The following SPIRE1 variants were observed in gnomAD, a reference collection of about 807,000 sequenced individuals.
The protein encoded by SPIRE1 is spire type actin nucleation factor 1, also known as protein spire homolog 1.
In SPIRE1, 40 loss-of-function variants were observed where a neutral mutation model predicts 94.1. The observed-to-expected ratio is 0.43, with a 90% CI of 0.33 to 0.55. The LOEUF (loss-of-function observed/expected upper bound fraction) is 0.55, where lower values mean the gene tolerates loss of function less well. Ranked by LOEUF, SPIRE1 falls within the 20% of genes least tolerant of loss-of-function variation. SPIRE1 has a pLI of 0.06. For synonymous variants in SPIRE1, 376 were observed against 371.7 expected (o/e 1.01, Z -0.13); for missense variants, 838 against 975.2 (o/e 0.86, Z 1.87).
intron 3 of SPIRE1, among the ~76,000 whole-genome samples, chr18:12,538,014 T>C (rs190088527): frequency 2.6e-5 from 4 of 152,230 alleles, no homozygotes; most frequent in South Asian, 2.1e-4. Context: ...AAAATTCATA[T>C]GGAATTGCAA....
At chr18:12,465,088 A>C (rs1347358563) in intron 10 of SPIRE1, 130 bp from the exon 11 acceptor site, 32 of 747,696 alleles carry the variant, frequency 4.3e-5, no homozygotes, top group South Asian at 3.9e-4. Context: ...CAAGGCAAGC[A>C]AAAGACAAAC....
At chr18:12,491,446 A>G (rs2033229663) in intron 8 of SPIRE1, among the ~76,000 whole-genome samples, 1 of 152,094 alleles carries the variant, frequency 6.6e-6, no homozygotes, top group South Asian at 2.1e-4. Flanking sequence ...ACAACAGTGG[A>G]ACAGAACAAA....
intron 1 of SPIRE1, among the ~76,000 whole-genome samples, chr18:12,648,730 A>C (rs2038292753): frequency 6.6e-6 from 1 of 151,956 alleles, no homozygotes; most frequent in Non-Finnish European, 1.5e-5. Flanking sequence ...TCTCTACTAA[A>C]AATACAAAAT....
At chr18:12,523,366 G>A (rs2034417206) in intron 4 of SPIRE1, among the ~76,000 whole-genome samples, 1 of 152,186 alleles carries the variant, frequency 6.6e-6, no homozygotes, top group Non-Finnish European at 1.5e-5. Context: ...TGATGATGCT[G>A]TGCACATTAT....
chr18:12,632,805 T>C (rs765439108), intron 2 of SPIRE1, among the ~76,000 whole-genome samples: 4 of 152,164 alleles, frequency 2.6e-5, no homozygotes, highest in Non-Finnish European at 5.9e-5. Context: ...GGAGATAAAA[T>C]GAACTAATGC....
At chr18:12,453,538 A>T (rs1306919674) in intron 13 of SPIRE1, among the ~76,000 whole-genome samples, 1 of 150,482 alleles carries the variant, frequency 6.6e-6, no homozygotes, top group Non-Finnish European at 1.5e-5. Flanking sequence ...GGTTCACGCC[A>T]TTCTCCTGCC....
chr18:12,524,214 A>T (rs514831), intron 4 of SPIRE1, among the ~76,000 whole-genome samples: 125,640 of 152,202 alleles, frequency 0.83, 52,067 homozygotes, highest in Middle Eastern at 0.89. Flanking sequence ...CCATGCTTAT[A>T]TCCAATTCAT....
At chr18:12,533,439 G>C (rs150456029) in intron 4 of SPIRE1, among the ~76,000 whole-genome samples, 29 of 152,288 alleles carry the variant, frequency 1.9e-4, no homozygotes, top group African/African-American at 7.0e-4. Context: ...GATGAGTAAT[G>C]TGCTGACATA....
chr18:12,516,452 G>A (rs771249718), intron 4 of SPIRE1, among the ~76,000 whole-genome samples: 3 of 152,126 alleles, frequency 2.0e-5, no homozygotes, highest in Non-Finnish European at 4.4e-5. Context: ...GTAAGAGACT[G>A]TCCTGGAAAG....
At chr18:12,590,580 C>G (rs2036506516) in intron 2 of SPIRE1, among the ~76,000 whole-genome samples, 1 of 152,058 alleles carries the variant, frequency 6.6e-6, no homozygotes, top group East Asian at 1.9e-4. Context: ...AAATTGAAAA[C>G]AGAGTATAAA....
intron 1 of SPIRE1, among the ~76,000 whole-genome samples, chr18:12,655,046 GAAAAGAAAAGA>G (rs1232375123): frequency 9.1e-4 from 138 of 150,930 alleles, no homozygotes; most frequent in African/African-American, 3.1e-3. Context: ...AAGAAAGAAA[GAAAAGAAAAGA>G]AAAAGAAAAG....
intron 2 of SPIRE1, among the ~76,000 whole-genome samples, chr18:12,558,968 A>T (rs572370048): frequency 1.3e-5 from 2 of 152,310 alleles, no homozygotes; most frequent in East Asian, 3.9e-4. Flanking sequence ...CTCTAGCTAG[A>T]CATAAAAGTT....
In SPIRE1 at chr18:12,535,574, A is replaced by T; in HGVS notation, c.631T>A (p.Ser211Thr). 1 of 1,613,134 alleles carries T rather than the reference A, an allele frequency of 6.2e-7. No homozygotes were observed. The highest frequency in any genetic ancestry group is 8.5e-7 in the Non-Finnish European group (1 of 1,179,242). The change falls in exon 4 of 17, where the codon TCA becomes ACA. Residue 211 changes from serine to threonine, a missense_variant. Coordinates refer to ENST00000409402, the MANE Select transcript of SPIRE1 (RefSeq NM_001128626.2). ...GCCTGATAATGATTTGGTGCATCTGATTCAGTAGGGAGATGAGCAGCACAC... is the reference window on the plus strand; with the variant it reads ...GCCTGATAATGATTTGGTGCATCTGTTTCAGTAGGGAGATGAGCAGCACAC... ...KLCAAHLPTE[S>T]DAPNHYQAVC...
At chr18:12,556,265 A>G (rs1366322632) in intron 2 of SPIRE1, among the ~76,000 whole-genome samples, 2 of 152,202 alleles carry the variant, frequency 1.3e-5, no homozygotes, top group Non-Finnish European at 2.9e-5. Flanking sequence ...TACAATCCCT[A>G]TAAAAATACC....
chr18:12,531,926 G>GTCAC (rs2144174588), intron 4 of SPIRE1, among the ~76,000 whole-genome samples: 2 of 152,326 alleles, frequency 1.3e-5, no homozygotes, highest in South Asian at 4.1e-4. Flanking sequence ...ATATGGTGGT[G>GTCAC]TCACTGGCAG....
intron 6 of SPIRE1, among the ~76,000 whole-genome samples, chr18:12,503,903 G>A (rs573225628): frequency 3.4e-5 from 5 of 147,384 alleles, no homozygotes; most frequent in Non-Finnish European, 7.5e-5. Context: ...GTGCAAGGAT[G>A]TGAAGCAATG....
intron 4 of SPIRE1, among the ~76,000 whole-genome samples, chr18:12,521,356 A>G (rs559141103): frequency 1.4e-5 from 2 of 145,806 alleles, no homozygotes; most frequent in African/African-American, 2.5e-5. Flanking sequence ...TTTTTTGGAC[A>G]CAGTTTTACT....
chr18:12,465,369 C>A (rs1400599575), intron 10 of SPIRE1, among the ~76,000 whole-genome samples: 1 of 152,078 alleles, frequency 6.6e-6, no homozygotes, highest in Non-Finnish European at 1.5e-5. Flanking sequence ...GAGACAGGGT[C>A]TTCCTATGTT....
intron 2 of SPIRE1, among the ~76,000 whole-genome samples, chr18:12,622,158 C>T (rs564272029): frequency 1.3e-3 from 201 of 152,232 alleles, no homozygotes; most frequent in African/African-American, 4.6e-3. Context: ...TGTTCCTATG[C>T]TTACCATGGG....
Sources: gnomAD v4.1 joint callset for allele counts (sites outside exome capture counted in the v4.1 genomes callset) on GRCh38, gnomAD v4.1.1 for gene constraint, MANE v1.5 for transcripts, NCBI Gene and HGNC (gene_info 2026-07-23, HGNC 2026-07-21) for gene names.